CSMD1: variants seen among roughly 807,000 people sequenced by gnomAD.
The protein encoded by CSMD1 is CUB and sushi domain-containing protein 1.
A neutral mutation model predicts 417.5 loss-of-function variants in CSMD1; 213 were observed. The observed-to-expected ratio is 0.51, with a 90% CI of 0.46 to 0.57. The LOEUF (loss-of-function observed/expected upper bound fraction) is 0.57. Among genes scored for constraint, CSMD1 ranks in the 20% least tolerant of loss-of-function variants. The pLI is 0.00. For missense variants in CSMD1, 6,923 were observed against 4,529.7 expected (o/e 1.53, Z -15.17); for synonymous variants, 2,862 against 1,736.8 (o/e 1.65, Z -16.11).
chr8:4,862,302 C>T (rs534412336), intron 1 of CSMD1, among the ~76,000 whole-genome samples: 1 of 152,144 alleles, frequency 6.6e-6, no homozygotes, highest in African/African-American at 2.4e-5. Context: ...CAATGTCCAT[C>T]ATCAGAACCT....
intron 52 of CSMD1, among the ~76,000 whole-genome samples, chr8:3,013,406 T>C (rs1179003517): frequency 6.6e-6 from 1 of 152,196 alleles, no homozygotes; most frequent in Non-Finnish European, 1.5e-5. Context: ...TTTAAATATT[T>C]GAAAATAGTT....
At chr8:4,598,613 A>G (rs867631546) in intron 2 of CSMD1, among the ~76,000 whole-genome samples, 20 of 152,324 alleles carry the variant, frequency 1.3e-4, no homozygotes, top group Middle Eastern at 3.4e-3. Context: ...TTGTTTCTAT[A>G]TTAAATCAAC....
intron 7 of CSMD1, among the ~76,000 whole-genome samples, chr8:3,706,068 C>T (rs1038007857): frequency 3.3e-5 from 5 of 152,350 alleles, no homozygotes; most frequent in East Asian, 3.9e-4. Flanking sequence ...GCACGCATGA[C>T]GCGCTGGAAC....
intron 1 of CSMD1, among the ~76,000 whole-genome samples, chr8:4,979,958 A>C (rs1250451033): frequency 6.6e-6 from 1 of 152,182 alleles, no homozygotes. Context: ...GAATGGTGTG[A>C]ACCTGGGAGG....
At chr8:3,572,895 C>G (rs1316046201) in intron 10 of CSMD1, among the ~76,000 whole-genome samples, 1 of 152,056 alleles carries the variant, frequency 6.6e-6, no homozygotes, top group Admixed American at 6.6e-5. Flanking sequence ...TTTCTAAATT[C>G]TCAATATCAT....
chr8:3,357,463 C>G (rs1477848733), intron 21 of CSMD1, among the ~76,000 whole-genome samples: 1 of 152,222 alleles, frequency 6.6e-6, no homozygotes, highest in Admixed American at 6.5e-5. Flanking sequence ...TAGTCTACCA[C>G]ACACTGTTTA....
At chr8:3,724,804 G>A (rs548284648) in intron 6 of CSMD1, among the ~76,000 whole-genome samples, 57 of 152,324 alleles carry the variant, frequency 3.7e-4, no homozygotes, top group African/African-American at 1.3e-3. Flanking sequence ...TTTGCCATCA[G>A]CAGAAACTGT....
At chr8:3,683,136 T>C (rs957044770) in intron 7 of CSMD1, among the ~76,000 whole-genome samples, 2 of 152,000 alleles carry the variant, frequency 1.3e-5, no homozygotes, top group Admixed American at 6.6e-5. Flanking sequence ...ACATGGCACA[T>C]GTATACATAT....
rs749582834 is a variant in CSMD1, at chr8:4,419,989, C to T, written c.379G>A (p.Ala127Thr). 7 of 1,588,328 alleles carry T rather than the reference C, an allele frequency of 4.4e-6. No individual in the cohort carries two copies. The highest frequency in any genetic ancestry group is 2.3e-5 in the East Asian group (1 of 43,852). The change falls in exon 3 of 70, where the codon GCT becomes ACT. Residue 127 changes from alanine (A) to threonine (T), a missense_variant. Transcript: ENST00000635120. The part of the protein sequence containing the change: ...ILTLWFTTDF[A>T]VSAQGFKALY... The stretch of plus-strand genomic sequence containing the variant: ...GCTTTGAAACCTTGGGCACTCACAG[C>T]GAAGTCTGTCGTGAACCACAGAGTG...
chr8:3,503,588 C>G (rs969609439), intron 10 of CSMD1, among the ~76,000 whole-genome samples: 6 of 152,206 alleles, frequency 3.9e-5, no homozygotes, highest in Admixed American at 2.6e-4. Context: ...AGGGCCCTGC[C>G]AAGTCCCTTT....
Position 3,284,143 on chromosome 8 carries a change from C to T in CSMD1, c.4153+1G>A. The stretch of plus-strand genomic sequence containing the variant: ...AAGAAGAAGCACGCTGTGCCACCTA[C>T]TGGAGAACTGGATGGAGAAGCCAGA... On this transcript the variant is annotated splice_donor_variant, in intron 26 of 69. Coordinates refer to ENST00000635120, the MANE Select transcript of CSMD1 (RefSeq NM_033225.6). LOFTEE classifies it high-confidence loss of function. 1 of 1,558,808 alleles carries T rather than the reference C, an allele frequency of 6.4e-7. No individual in the cohort carries two copies. Among genetic ancestry groups the T allele is most frequent in the Non-Finnish European group, 8.7e-7 (1 of 1,151,132 alleles).
intron 5 of CSMD1, among the ~76,000 whole-genome samples, chr8:3,840,857 G>C (rs1036931922): frequency 1.3e-5 from 2 of 151,820 alleles, no homozygotes; most frequent in African/African-American, 4.8e-5. Flanking sequence ...ACAGGCGCCT[G>C]TGACTACGCC....
At chr8:4,557,330 G>A (rs1798140281) in intron 2 of CSMD1, among the ~76,000 whole-genome samples, 1 of 151,728 alleles carries the variant, frequency 6.6e-6, no homozygotes, top group African/African-American at 2.4e-5. Flanking sequence ...CTGAAAAGAG[G>A]AAAATGAAAA....
intron 12 of CSMD1, among the ~76,000 whole-genome samples, chr8:3,453,695 G>C (rs1349464083): frequency 2.0e-5 from 3 of 152,124 alleles, no homozygotes; most frequent in Non-Finnish European, 2.9e-5. Flanking sequence ...TATAATTTCT[G>C]TACTTTTACA....
intron 5 of CSMD1, among the ~76,000 whole-genome samples, chr8:3,889,734 C>G (rs1296693993): frequency 6.6e-6 from 1 of 151,676 alleles, no homozygotes; most frequent in African/African-American, 2.4e-5. Context: ...GTGAAACAGA[C>G]TTATTATGTA....
chr8:4,679,459 C>T (rs1050764433), intron 1 of CSMD1, among the ~76,000 whole-genome samples: 8 of 152,052 alleles, frequency 5.3e-5, no homozygotes, highest in Non-Finnish European at 1.2e-4. Context: ...ACTAGTCATC[C>T]TCACTCCCTC....
chr8:4,793,891 G>T (rs1028637595), intron 1 of CSMD1, among the ~76,000 whole-genome samples: 13 of 151,668 alleles, frequency 8.6e-5, no homozygotes, highest in Admixed American at 2.0e-4. Flanking sequence ...GAATGATCAG[G>T]TAGCATGTCT....
chr8:4,099,012 C>G (rs1280086246), intron 3 of CSMD1, among the ~76,000 whole-genome samples: 2 of 152,174 alleles, frequency 1.3e-5, no homozygotes, highest in East Asian at 1.9e-4. Context: ...CCAAACAACT[C>G]TTCAGCTGAA....
intron 3 of CSMD1, among the ~76,000 whole-genome samples, chr8:4,336,531 G>A (rs996348742): frequency 2.6e-5 from 4 of 152,152 alleles, no homozygotes; most frequent in Non-Finnish European, 5.9e-5. Flanking sequence ...CGTGTTCGAT[G>A]AATGTCATGC....
Sources: gnomAD v4.1 joint callset for allele counts (sites outside exome capture counted in the v4.1 genomes callset) on GRCh38, gnomAD v4.1.1 for gene constraint, MANE v1.5 for transcripts, NCBI Gene and HGNC (gene_info 2026-07-23, HGNC 2026-07-21) for gene names.